SIPA1L2: variants seen among roughly 807,000 people sequenced by gnomAD.
The protein encoded by SIPA1L2 is signal induced proliferation associated 1 like 2.
In SIPA1L2, 56 loss-of-function variants were observed where a neutral mutation model predicts 163.9. That is an observed-to-expected ratio of 0.34 (90% CI 0.28 to 0.43). The LOEUF is 0.43. Among genes scored for constraint, SIPA1L2 ranks in the 20% least tolerant of loss-of-function variants. The pLI, the probability that SIPA1L2 is intolerant of heterozygous loss-of-function variation, is 1.00. For missense variants in SIPA1L2, 1,974 were observed against 2,193.5 expected, an observed-to-expected ratio of 0.90 and a Z score of 2.00; for synonymous variants, 877 against 865.7, an observed-to-expected ratio of 1.01 and a Z score of -0.23.
chr1:232,620,971 GT>G (rs1662778165), intron 1 of SIPA1L2, among the ~76,000 whole-genome samples: 1 of 152,224 alleles, frequency 6.6e-6, no homozygotes, highest in Non-Finnish European at 1.5e-5. Flanking sequence ...TGCCTGAAAT[GT>G]ATTTAGGGAT....
chr1:232,551,604 A>C (rs1658384946), intron 2 of SIPA1L2, among the ~76,000 whole-genome samples: 1 of 152,244 alleles, frequency 6.6e-6, no homozygotes, highest in South Asian at 2.1e-4. Context: ...GGAGGTGAGA[A>C]GAAGGCCTGG....
chr1:232,416,725 G>A (rs1428453000), intron 18 of SIPA1L2, among the ~76,000 whole-genome samples: 4 of 152,162 alleles, frequency 2.6e-5, no homozygotes, highest in African/African-American at 2.4e-5. Flanking sequence ...GATATACAAA[G>A]CACACACATA....
chr1:232,629,296 G>A (rs567046674), intron 1 of SIPA1L2, among the ~76,000 whole-genome samples: 29 of 152,202 alleles, frequency 1.9e-4, no homozygotes, highest in Non-Finnish European at 3.7e-4. Context: ...TCACTGACAC[G>A]GGAAGACCCG....
intron 2 of SIPA1L2, among the ~76,000 whole-genome samples, chr1:232,554,319 A>T (rs540844532): frequency 6.6e-6 from 1 of 152,246 alleles, no homozygotes. Flanking sequence ...TGAAACTTCA[A>T]TAACAGGACA....
At chr1:232,521,622 T>C (rs1667463677) in intron 2 of SIPA1L2, among the ~76,000 whole-genome samples, 1 of 152,154 alleles carries the variant, frequency 6.6e-6, no homozygotes. Context: ...CACTAACCTA[T>C]ATCCATCCAT....
At chr1:232,409,022 C>T (rs1323927167) in intron 19 of SIPA1L2, among the ~76,000 whole-genome samples, 1 of 151,992 alleles carries the variant, frequency 6.6e-6, no homozygotes, top group Admixed American at 6.6e-5. Flanking sequence ...AATTCCTTAC[C>T]CATGTAACTC....
rs1573086117 is a variant in SIPA1L2 at position 232,562,278 on chromosome 1, T to A, written c.-270+11896A>T. ...CAGCAGCAGAAAGGAGTTAAATACA[T>A]TCAGTATTAATCATAAAGTTGTCAA... On this transcript the variant is annotated intron_variant, in intron 2 of 22. Transcript: ENST00000674635. 2.0e-5 allele frequency among the ~76,000 whole-genome samples: 3 copies of A among 152,308 alleles called. No homozygotes were observed. In the East Asian group the frequency reaches 5.8e-4, roughly 29 times the overall value.
chr1:232,550,842 G>A (rs1204227469), intron 2 of SIPA1L2, among the ~76,000 whole-genome samples: 1 of 152,030 alleles, frequency 6.6e-6, no homozygotes, highest in Non-Finnish European at 1.5e-5. Context: ...AAATATTCAA[G>A]AATATTTTAA....
At chr1:232,624,398 A>G (rs906047070) in intron 1 of SIPA1L2, among the ~76,000 whole-genome samples, 2 of 152,226 alleles carry the variant, frequency 1.3e-5, no homozygotes, top group Non-Finnish European at 2.9e-5. Context: ...TCAACAAGGA[A>G]CCAAATGTGT....
Position 232,609,550 on chromosome 1 carries a change from G to A in SIPA1L2, c.-319+20319C>T, listed in dbSNP as rs114639040. On this transcript the variant is annotated intron_variant, in intron 1 of 22. Transcript: ENST00000674635. Reference sequence around the variant, plus strand: ...TTATCAAGCAAGAACGAAGCAAGCGGCTGGGCATAGTGGCTCACACCTGTA... The same window carrying A: ...TTATCAAGCAAGAACGAAGCAAGCGACTGGGCATAGTGGCTCACACCTGTA... Among the ~76,000 whole-genome samples the A allele has an allele frequency of 9.0e-3, 1,368 of 152,238 alleles. 25 individuals are homozygous for A. Among genetic ancestry groups the A allele is most frequent in the African/African-American group, 0.031 (1,307 of 41,544 alleles).
chr1:232,528,346 T>C (rs1432343084), intron 2 of SIPA1L2, among the ~76,000 whole-genome samples: 1 of 152,014 alleles, frequency 6.6e-6, no homozygotes, highest in Non-Finnish European at 1.5e-5. Context: ...ATGACTGTGT[T>C]TCCAGAGAAT....
chr1:232,540,101 C>T (rs1406334874), intron 2 of SIPA1L2, among the ~76,000 whole-genome samples: 2 of 152,000 alleles, frequency 1.3e-5, no homozygotes, highest in African/African-American at 2.4e-5. Context: ...GTCAGGAGTT[C>T]GAAACCAGCC....
intron 2 of SIPA1L2, among the ~76,000 whole-genome samples, chr1:232,537,985 C>G (rs1173974794): frequency 6.6e-6 from 1 of 152,124 alleles, no homozygotes; most frequent in Non-Finnish European, 1.5e-5. Context: ...AAGTGTAACC[C>G]TTTTTGTAAT....
intron 3 of SIPA1L2, among the ~76,000 whole-genome samples, chr1:232,497,173 A>T (rs1297123559): frequency 6.6e-6 from 1 of 152,176 alleles, no homozygotes; most frequent in Non-Finnish European, 1.5e-5. Flanking sequence ...GGGAGAGCAA[A>T]GGGCCAACTA....
chr1:232,551,744 T>C (rs1658395486), intron 2 of SIPA1L2, among the ~76,000 whole-genome samples: 1 of 152,250 alleles, frequency 6.6e-6, no homozygotes, highest in Non-Finnish European at 1.5e-5. Flanking sequence ...TTTAAAAAGC[T>C]ACAGCCGGAG....
chr1:232,599,627 C>T lies in SIPA1L2; in HGVS notation c.-318-25405G>A, dbSNP rs60568186. 1.2e-4 allele frequency among the ~76,000 whole-genome samples: 19 copies of T among 152,172 alleles called. No homozygotes were observed. In the East Asian group the frequency reaches 3.5e-3, roughly 28 times the overall value. On this transcript the variant is annotated intron_variant, in intron 1 of 22. Transcript: ENST00000674635. ...AAGTTCTGGTGAGTTTTGGTGAGAGCGGCTACACGGTGGGGTAGAACTACC... is the reference window on the plus strand; with the variant it reads ...AAGTTCTGGTGAGTTTTGGTGAGAGTGGCTACACGGTGGGGTAGAACTACC...
chr1:232,478,010 C>A (rs1409470354), intron 7 of SIPA1L2, among the ~76,000 whole-genome samples: 1 of 152,178 alleles, frequency 6.6e-6, no homozygotes, highest in South Asian at 2.1e-4. Flanking sequence ...TTCTGAGCAA[C>A]AACTCCCACA....
chr1:232,522,972 A>G (rs532177084), intron 2 of SIPA1L2, among the ~76,000 whole-genome samples: 3 of 152,350 alleles, frequency 2.0e-5, no homozygotes, highest in Admixed American at 2.0e-4. Context: ...GCAGTGTTTA[A>G]GCTGATTCTC....
At chr1:232,454,543 C>A (rs1324763668) in intron 10 of SIPA1L2, among the ~76,000 whole-genome samples, 1 of 152,164 alleles carries the variant, frequency 6.6e-6, no homozygotes, top group Non-Finnish European at 1.5e-5. Flanking sequence ...AGAGAAGATT[C>A]TCAATAGCTA....
Sources: allele counts gnomAD v4.1 joint callset (sites outside exome capture counted in the v4.1 genomes callset), GRCh38; gene constraint gnomAD v4.1.1; transcripts MANE v1.5; gene names NCBI Gene and HGNC (gene_info 2026-07-23, HGNC 2026-07-21).